Variants in CDH10 observed in about 807,000 individuals in gnomAD.
The protein encoded by CDH10 is cadherin-10.
In CDH10, 30 loss-of-function variants were observed where a neutral mutation model predicts 73.1. The observed-to-expected ratio is 0.41, with a 90% confidence interval of 0.31 to 0.56. CDH10 has a LOEUF of 0.56. Ranked by LOEUF, CDH10 falls within the 20% of genes least tolerant of loss-of-function variation. The pLI, the probability that CDH10 is intolerant of heterozygous loss-of-function variation, is 0.27. For synonymous variants in CDH10, 345 were observed against 348.2 expected (o/e 0.99, Z 0.10); for missense variants, 815 against 973.7 (o/e 0.84, Z 2.17).
chr5:24,537,435 C>T lies in CDH10; in HGVS notation c.471G>A (p.Glu157=), dbSNP rs145444066. 3.1e-6 allele frequency: 5 copies of T among 1,612,662 alleles called. No homozygotes were observed. Among genetic ancestry groups the T allele is most frequent in the Non-Finnish European group, 4.2e-6 (5 of 1,179,050 alleles). ...VIKIHDINDN[E]PTFPEEIYTA... is the part of the protein sequence containing the mutation. The stretch of plus-strand genomic sequence containing the variant: ...TATAGATTTCTTCTGGGAACGTTGG[C>T]TCATTGTCATTGATATCATGAATTT... The change falls in exon 3 of 12, where the codon GAG becomes GAA. Residue 157 remains glutamate, a synonymous_variant. Transcript: ENST00000264463.
chr5:24,591,628 T>C (rs1301685782), intron 2 of CDH10, among the ~76,000 whole-genome samples: 1 of 151,922 alleles, frequency 6.6e-6, no homozygotes, highest in Non-Finnish European at 1.5e-5. Context: ...TGCCACCAGA[T>C]GGCAGAGGGA....
intron 5 of CDH10, among the ~76,000 whole-genome samples, chr5:24,528,284 G>A (rs967699440): frequency 3.3e-5 from 5 of 151,822 alleles, no homozygotes; most frequent in African/African-American, 9.7e-5. Flanking sequence ...TCTTTCTCAT[G>A]CTGAAGCATC....
At chr5:24,641,257 G>A (rs1748041127) in intron 1 of CDH10, among the ~76,000 whole-genome samples, 1 of 151,898 alleles carries the variant, frequency 6.6e-6, no homozygotes. Flanking sequence ...AAAGAAGAGG[G>A]CACAGGCGAC....
intron 1 of CDH10, among the ~76,000 whole-genome samples, chr5:24,643,183 G>GCA (rs1160466572): frequency 4.6e-5 from 7 of 151,392 alleles, no homozygotes; most frequent in Non-Finnish European, 8.9e-5. Context: ...ACACTCGGGG[G>GCA]AGCGGGGTGC....
At chr5:24,586,609 A>AT (rs200907966) in intron 2 of CDH10, among the ~76,000 whole-genome samples, 5 of 150,014 alleles carry the variant, frequency 3.3e-5, no homozygotes, top group South Asian at 2.1e-4. Flanking sequence ...TGCCCGGATA[A>AT]TTTTTTTGTA....
At chr5:24,561,308 T>A (rs902398878) in intron 2 of CDH10, among the ~76,000 whole-genome samples, 7 of 152,170 alleles carry the variant, frequency 4.6e-5, no homozygotes, top group African/African-American at 1.7e-4. Flanking sequence ...ATTGCAAATA[T>A]ATGTATTTGG....
At chr5:24,615,841 T>C (rs1351023143) in intron 1 of CDH10, among the ~76,000 whole-genome samples, 1 of 152,208 alleles carries the variant, frequency 6.6e-6, no homozygotes, top group African/African-American at 2.4e-5. Flanking sequence ...AATTCTGCCT[T>C]GAGGCATGAG....
chr5:24,547,108 G>A (rs1023904681), intron 2 of CDH10, among the ~76,000 whole-genome samples: 3 of 152,166 alleles, frequency 2.0e-5, no homozygotes, highest in African/African-American at 7.2e-5. Context: ...ATGTATACAT[G>A]GATTACCAGA....
intron 1 of CDH10, chr5:24,612,192 C>A (rs1035855540): frequency 8.5e-5 from 13 of 152,080 alleles, no homozygotes; most frequent in African/African-American, 3.1e-4. Context: ...ATATCTTTTT[C>A]TTTTAATAAG....
At chr5:24,508,383 A>T (rs1476177135) in intron 7 of CDH10, among the ~76,000 whole-genome samples, 1 of 152,212 alleles carries the variant, frequency 6.6e-6, no homozygotes, top group Non-Finnish European at 1.5e-5. Flanking sequence ...GAAAAGACTC[A>T]TCTTTCTAGA....
chr5:24,621,096 G>A (rs1180267564), intron 1 of CDH10, among the ~76,000 whole-genome samples: 3 of 152,194 alleles, frequency 2.0e-5, no homozygotes, highest in South Asian at 4.2e-4. Context: ...AGCCTCCATC[G>A]GCTGTCTCCT....
chr5:24,580,261 G>T (rs983183384), intron 2 of CDH10, among the ~76,000 whole-genome samples: 10 of 151,956 alleles, frequency 6.6e-5, no homozygotes, highest in Non-Finnish European at 1.3e-4. Context: ...TAATTTTTGA[G>T]TTTTATAAAA....
At chr5:24,501,261 C>T (rs1226889732) in intron 8 of CDH10, among the ~76,000 whole-genome samples, 1 of 152,118 alleles carries the variant, frequency 6.6e-6, no homozygotes, top group East Asian at 1.9e-4. Context: ...TCAGCCCCTT[C>T]CCTAACACAA....
intron 8 of CDH10, among the ~76,000 whole-genome samples, chr5:24,501,945 A>G (rs968047942): frequency 1.5e-4 from 23 of 151,464 alleles, no homozygotes; most frequent in Admixed American, 2.6e-4. Flanking sequence ...TTTAGAGGGA[A>G]TCTCACTCTG....
chr5:24,506,058 A>G (rs965103042), intron 7 of CDH10, among the ~76,000 whole-genome samples: 5 of 151,398 alleles, frequency 3.3e-5, no homozygotes, highest in Admixed American at 1.3e-4. Flanking sequence ...GGTTGCAGTG[A>G]GCCAAGATTG....
chr5:24,534,464 AATGC>A (rs1743866359), intron 5 of CDH10, among the ~76,000 whole-genome samples: 1 of 152,058 alleles, frequency 6.6e-6, no homozygotes, highest in Non-Finnish European at 1.5e-5. Context: ...AAGAAGAATA[AATGC>A]ATGTGTTTCT....
At chr5:24,528,648 C>T (rs191482998) in intron 5 of CDH10, among the ~76,000 whole-genome samples, 7 of 152,098 alleles carry the variant, frequency 4.6e-5, no homozygotes, top group African/African-American at 1.7e-4. Flanking sequence ...AAGCACCAAG[C>T]AATAAAAGTA....
At chr5:24,605,319 C>G (rs1301724370) in intron 1 of CDH10, among the ~76,000 whole-genome samples, 3 of 152,180 alleles carry the variant, frequency 2.0e-5, no homozygotes, top group Non-Finnish European at 4.4e-5. Context: ...AGCATTAGCA[C>G]CTGAGTTGCA....
chr5:24,611,110 T>C (rs966343663), intron 1 of CDH10, among the ~76,000 whole-genome samples: 1 of 152,160 alleles, frequency 6.6e-6, no homozygotes, highest in Non-Finnish European at 1.5e-5. Flanking sequence ...TTAGCACAGA[T>C]CCCTGTAGAG....
Sources: gnomAD v4.1 joint callset for allele counts (sites outside exome capture counted in the v4.1 genomes callset) on GRCh38, gnomAD v4.1.1 for gene constraint, MANE v1.5 for transcripts, NCBI Gene and HGNC (gene_info 2026-07-23, HGNC 2026-07-21) for gene names.